Variants in GRK4 observed in about 807,000 individuals in gnomAD.
GRK4 encodes the protein G protein-coupled receptor kinase 2-like.
In GRK4, 73 loss-of-function variants were observed where a neutral mutation model predicts 77.9. The observed-to-expected ratio is 0.94, with a 90% confidence interval of 0.78 to 1.14. The LOEUF (loss-of-function observed/expected upper bound fraction) is 1.14, where lower values mean the gene tolerates loss of function less well. Among genes scored for constraint, GRK4 ranks in the 50% most tolerant of loss-of-function variants. The pLI is 0.00. For synonymous variants in GRK4, 257 were observed against 254.4 expected (o/e 1.01, Z -0.10); for missense variants, 729 against 700.2 (o/e 1.04, Z -0.46).
chr4:2,964,031 T>C lies in GRK4; in HGVS notation c.-40T>C. On this transcript the variant is annotated 5_prime_UTR_variant, in exon 1 of 16. Transcript: ENST00000398052. ...CTCCTGTTCCGCCTCCTCAGTCTCCTCGGTCTCGCAGAATCCGCCGGCGGC... is the reference window on the plus strand; with the variant it reads ...CTCCTGTTCCGCCTCCTCAGTCTCCCCGGTCTCGCAGAATCCGCCGGCGGC... The C allele has an allele frequency of 6.3e-7, 1 of 1,594,232 alleles. No individual in the cohort carries two copies. Among genetic ancestry groups the C allele is most frequent in the Non-Finnish European group, 8.6e-7 (1 of 1,169,308 alleles).
chr4:2,972,005 G>A lies in GRK4; in HGVS notation c.52+7883G>A, dbSNP rs574216455. 2.6e-5 allele frequency among the ~76,000 whole-genome samples: 4 copies of A among 152,254 alleles called. No homozygotes were observed. The East Asian group carries it at 5.8e-4, about 22-fold the overall frequency. On this transcript the variant is annotated intron_variant, in intron 1 of 15. Coordinates refer to ENST00000398052, the MANE Select transcript of GRK4 (RefSeq NM_182982.3). ...TCTCCAAATAAGATCACTGTCTGAG[G>A]GTTAGGGGCTAACTGGGGAATAGAA...
intron 10 of GRK4, among the ~76,000 whole-genome samples, chr4:3,027,362 A>G (rs1303701649): frequency 6.6e-6 from 1 of 152,230 alleles, no homozygotes; most frequent in African/African-American, 2.4e-5. Context: ...TGTTAGTTCC[A>G]TAGGAATTCA....
At chr4:2,984,629 A>T (rs1723740214) in intron 2 of GRK4, 21 bp downstream of exon 2, 1 of 1,353,550 alleles carries the variant, frequency 7.4e-7, no homozygotes, top group Admixed American at 1.8e-5. Context: ...AGTGCCTACT[A>T]ATGCTTGGAT....
intron 4 of GRK4, among the ~76,000 whole-genome samples, chr4:3,003,940 A>G (rs1302514101): frequency 1.3e-5 from 2 of 152,060 alleles, no homozygotes; most frequent in African/African-American, 2.4e-5. Context: ...GCTGGTCTCA[A>G]ACTCCTGACT....
rs916506579 is a variant in GRK4, at chr4:2,963,593, G to T, written c.-478G>T. On this transcript the variant is annotated 5_prime_UTR_variant, in exon 1 of 16. Transcript: ENST00000398052. ...GCTGTAGTGCCCCGGCCGCGGCGGC[G>T]AGGGGCGCTCCCTCTTCAGCTAAGC... 7 of 447,516 alleles carry T rather than the reference G, an allele frequency of 1.6e-5. No homozygotes were observed. The highest frequency in any genetic ancestry group is 4.4e-5 in the South Asian group (1 of 22,716). 27.7% of individuals were successfully genotyped at this position (447,516 alleles called of 1,614,324 possible). A position where few individuals can be genotyped will look rare whatever the true frequency, so the allele number is the denominator to read the frequency against.
rs572150184 is a variant in GRK4, at chr4:2,979,005, G to A, written c.53-5508G>A. ...AGCACTTTGGGAGGCCAAGGCAGGC[G>A]GATCATGAGGTCAGGAGATCGAGAC... On this transcript the variant is annotated intron_variant, in intron 1 of 15. Transcript: ENST00000398052. Among the ~76,000 whole-genome samples, 12 of 152,086 alleles carry A rather than the reference G, an allele frequency of 7.9e-5. No individual in the cohort carries two copies. In the South Asian group the frequency reaches 1.5e-3, roughly 18 times the overall value.
At chr4:3,030,326 A>G (rs1380423110) in intron 12 of GRK4, among the ~76,000 whole-genome samples, 1 of 152,180 alleles carries the variant, frequency 6.6e-6, no homozygotes, top group Non-Finnish European at 1.5e-5. Flanking sequence ...TGCCTCTGGG[A>G]CTGGACTGTG....
intron 3 of GRK4, among the ~76,000 whole-genome samples, chr4:2,990,448 G>A (rs1725810794): frequency 6.6e-6 from 1 of 151,874 alleles, no homozygotes; most frequent in African/African-American, 2.4e-5. Flanking sequence ...GTAGAGACGG[G>A]GTTTCCCCAT....
chr4:3,028,986 G>T (rs972477811), intron 11 of GRK4, among the ~76,000 whole-genome samples: 1 of 152,106 alleles, frequency 6.6e-6, no homozygotes, highest in Non-Finnish European at 1.5e-5. Context: ...TGTCCAGGCT[G>T]GTCTCAAACT....
At chr4:3,005,094 T>C (rs1219851894) in intron 5 of GRK4, among the ~76,000 whole-genome samples, 2 of 151,690 alleles carry the variant, frequency 1.3e-5, no homozygotes, top group African/African-American at 4.9e-5. Context: ...AACATCTTTT[T>C]TCAGGGCATT....
chr4:2,995,873 T>C (rs1727713561), intron 4 of GRK4, among the ~76,000 whole-genome samples: 2 of 152,096 alleles, frequency 1.3e-5, no homozygotes, highest in Non-Finnish European at 2.9e-5. Flanking sequence ...CCACTGATCA[T>C]TGGCTATATA....
chr4:2,975,836 G>A (rs1030261254), intron 1 of GRK4, among the ~76,000 whole-genome samples: 1 of 152,134 alleles, frequency 6.6e-6, no homozygotes, highest in Non-Finnish European at 1.5e-5. Context: ...TAAATTTATA[G>A]GTGGCCATTG....
chr4:3,015,871 T>A (rs1433350304), intron 8 of GRK4, among the ~76,000 whole-genome samples: 1 of 150,360 alleles, frequency 6.7e-6, no homozygotes, highest in Non-Finnish European at 1.5e-5. Context: ...CCCAGGAGTT[T>A]GAAACCAGCC....
Position 2,964,042 on chromosome 4 carries a change from G to C in GRK4, c.-29G>C, listed in dbSNP as rs769003409. 1.9e-6 allele frequency: 3 copies of C among 1,602,358 alleles called. No homozygotes were observed. The highest frequency in any genetic ancestry group is 2.6e-6 in the Non-Finnish European group (3 of 1,175,362). ...CCTCCTCAGTCTCCTCGGTCTCGCA[G>C]AATCCGCCGGCGGCGGCGGCGCCAG... On this transcript the variant is annotated 5_prime_UTR_variant, in exon 1 of 16. Coordinates refer to ENST00000398052, the MANE Select transcript of GRK4 (RefSeq NM_182982.3).
At chr4:3,001,089 A>ATATATATATATATATATATGTGTGTGTG in intron 4 of GRK4, among the ~76,000 whole-genome samples, 6 of 82,428 alleles carry the variant, frequency 7.3e-5, no homozygotes, top group African/African-American at 2.3e-4. Context: ...ATATATATAT[A>ATATATATATATATATATATGTGTGTGTG]TGTGTGTGTG....
At chr4:3,029,110 C>A in intron 11 of GRK4, 91 bp from the exon 12 acceptor site, 2 of 963,144 alleles carry the variant, frequency 2.1e-6, no homozygotes, top group Non-Finnish European at 3.2e-6. Context: ...TGTTGTCACA[C>A]ACGTTGAATG....
At chr4:3,020,210 T>C (rs1369157612) in intron 9 of GRK4, among the ~76,000 whole-genome samples, 2 of 152,056 alleles carry the variant, frequency 1.3e-5, no homozygotes, top group Non-Finnish European at 2.9e-5. Context: ...CTCACCATGT[T>C]GGCCAGGCTG....
intron 1 of GRK4, among the ~76,000 whole-genome samples, chr4:2,971,553 G>C (rs1488920831): frequency 2.6e-5 from 4 of 152,216 alleles, no homozygotes; most frequent in African/African-American, 9.6e-5. Flanking sequence ...GCCCAAAAAT[G>C]GAAGGAAAAG....
At chr4:2,991,734 A>C (rs1726240589) in intron 3 of GRK4, among the ~76,000 whole-genome samples, 1 of 151,668 alleles carries the variant, frequency 6.6e-6, no homozygotes, top group African/African-American at 2.4e-5. Flanking sequence ...CTGGTCTCCA[A>C]CTCCCAGCCT....
Sources: allele counts gnomAD v4.1 joint callset (sites outside exome capture counted in the v4.1 genomes callset), GRCh38; gene constraint gnomAD v4.1.1; transcripts MANE v1.5; gene names NCBI Gene and HGNC (gene_info 2026-07-23, HGNC 2026-07-21).